ARHGEF35: variants seen among roughly 807,000 people sequenced by gnomAD.
ARHGEF35 encodes the protein Rho guanine nucleotide exchange factor (GEF) 35.
For synonymous variants in ARHGEF35, 47 were observed against 170.4 expected (o/e 0.28, Z 5.64); for missense variants, 114 against 449.7 (o/e 0.25, Z 6.75).
rs550473765 is a variant in ARHGEF35 at position 144,186,340 on chromosome 7, G to C, written c.*589C>G. On this transcript the variant is annotated 3_prime_UTR_variant, in exon 2 of 2. Transcript: ENST00000378115. ...TTTTTTTAAAAAAAGAAAACTGAAA[G>C]GAGATATAGATGAATCCACAATTAT... 20 of 175,842 alleles carry C rather than the reference G, an allele frequency of 1.1e-4. No individual in the cohort carries two copies. Among genetic ancestry groups the C allele is most frequent in the Non-Finnish European group, 2.0e-4 (17 of 83,522 alleles). 10.9% of individuals were successfully genotyped at this position (175,842 alleles called of 1,614,324 possible).
Position 144,186,874 on chromosome 7 carries a change from C to T in ARHGEF35, c.*55G>A. The T allele has an allele frequency of 1.6e-6, 2 of 1,281,834 alleles. No individual in the cohort carries two copies. The highest frequency in any genetic ancestry group is 4.4e-4 in the Middle Eastern group (2 of 4,576). 79.4% of individuals were successfully genotyped at this position (1,281,834 alleles called of 1,614,324 possible). A position where few individuals can be genotyped will look rare whatever the true frequency, so the allele number is the denominator to read the frequency against. On this transcript the variant is annotated 3_prime_UTR_variant, in exon 2 of 2. Transcript: ENST00000378115. ...ACAATAATCTATCAGTCAAAGAAGTCTCAAGGAAAAATTTAAAAATACATT... is the reference window on the plus strand; with the variant it reads ...ACAATAATCTATCAGTCAAAGAAGTTTCAAGGAAAAATTTAAAAATACATT...
chr7:144,192,335 CCTAGCACACTGCAGAGTAGTATGTGA>C (rs1337981511), intron 1 of ARHGEF35, among the ~76,000 whole-genome samples: 1 of 82,540 alleles, frequency 1.2e-5, no homozygotes, highest in African/African-American at 6.0e-5. Context: ...CAGGCAGGTC[CCTAGCACACTGCAGAGTAGTATGTGA>C]CAAGATTCTG....
rs1211687626 is a variant in ARHGEF35, at chr7:144,186,755, G to T, written c.*174C>A. On this transcript the variant is annotated 3_prime_UTR_variant, in exon 2 of 2. Coordinates refer to ENST00000378115, the MANE Select transcript of ARHGEF35 (RefSeq NM_001003702.3). ...GAGATAGTAATCATCCAGAGCAGAT[G>T]AAAACCAGAAATCATTGTAGGGAAT... is the stretch of plus-strand genomic sequence containing the variant. 3.1e-6 allele frequency: 2 copies of T among 655,392 alleles called. No homozygotes were observed. Among genetic ancestry groups the T allele is most frequent in the South Asian group, 2.1e-5 (1 of 48,670 alleles). 40.6% of individuals were successfully genotyped at this position (655,392 alleles called of 1,614,324 possible). A position where few individuals can be genotyped will look rare whatever the true frequency, so the allele number is the denominator to read the frequency against.
At position 144,186,846 on chromosome 7, in the gene ARHGEF35, T is replaced by C. The variant is rs1280598977; in HGVS notation, c.*83A>G. On this transcript the variant is annotated 3_prime_UTR_variant, in exon 2 of 2. Coordinates refer to ENST00000378115, the MANE Select transcript of ARHGEF35 (RefSeq NM_001003702.3). ...AACATTTGGAAATTTAAAAACACAC[T>C]TCACAATAATCTATCAGTCAAAGAA... The C allele has an allele frequency of 1.8e-6, 2 of 1,112,758 alleles. No individual in the cohort carries two copies. Among genetic ancestry groups the C allele is most frequent in the Non-Finnish European group, 2.5e-6 (2 of 801,214 alleles). 68.9% of individuals were successfully genotyped at this position (1,112,758 alleles called of 1,614,324 possible).
chr7:144,191,124 G>A (rs1355796607), intron 1 of ARHGEF35, among the ~76,000 whole-genome samples: 1 of 110,426 alleles, frequency 9.1e-6, no homozygotes, highest in Admixed American at 1.1e-4. Flanking sequence ...CCACAGCTTG[G>A]GCACTGGCGT....
rs1450384688 is a variant in ARHGEF35 at position 144,186,970 on chromosome 7, C to T, written c.1414G>A (p.Glu472Lys). The T allele has an allele frequency of 1.9e-6, 3 of 1,538,460 alleles. No homozygotes were observed. The highest frequency in any genetic ancestry group is 8.9e-7 in the Non-Finnish European group (1 of 1,119,286). ...AGTTTTTCCTTGTCAGGTGACTCCT[C>T]AGTCAAAAAGGAGCCCAGTAGAGAA... ...PISLLGSFLT[E>K]ESPDKEKLLS... Residue 472 changes from glutamate (E) to lysine (K), a missense_variant, in exon 2 of 2, where the codon GAG (glutamate) becomes AAG (lysine). By Grantham distance (56) the Glu-to-Lys change is moderately conservative. Coordinates refer to ENST00000378115, the MANE Select transcript of ARHGEF35 (RefSeq NM_001003702.3).
chr7:144,187,102 G>C lies in ARHGEF35; in HGVS notation c.1282C>G (p.Leu428Val), dbSNP rs1166167480. ...TGAGTCCCGGGAATCTGAGTCACGA[G>C]ATATGAGGCACCTGGAAACAGGTCA... is the stretch of plus-strand genomic sequence containing the variant. Reference protein sequence around the residue: ...HCDLFPGASYLVTQIPGTQTE... With the variant: ...HCDLFPGASYVVTQIPGTQTE... Residue 428 changes from leucine to valine, a missense_variant, in exon 2 of 2, where the codon CTC (leucine) becomes GTC (valine). Transcript: ENST00000378115. The C allele has an allele frequency of 3.3e-6, 5 of 1,534,796 alleles. No homozygotes were observed. Among genetic ancestry groups the C allele is most frequent in the South Asian group, 1.1e-5 (1 of 90,130 alleles).
In ARHGEF35 at chr7:144,187,039, G is replaced by A; in HGVS notation, c.1345C>T (p.Leu449=). Residue 449 remains leucine (L), a synonymous_variant, in exon 2 of 2, where the codon CTG becomes TTG. Transcript: ENST00000378115. Reference sequence around the variant, plus strand: ...CTGATGGGCTCTAGCAAGGGAGACAGAGCTGCGGGGGACAGTTCCTCAGCC... The same window carrying A: ...CTGATGGGCTCTAGCAAGGGAGACAAAGCTGCGGGGGACAGTTCCTCAGCC... ...SRAEELSPAA[L]SPLLEPIRCS... is the part of the protein sequence containing the mutation. 6.5e-7 allele frequency: 1 copy of A among 1,545,198 alleles called. No individual in the cohort carries two copies.
rs1237908495 is a variant in ARHGEF35, at chr7:144,186,953, C to T, written c.1431G>A (p.Lys477=). Residue 477 remains lysine, a synonymous_variant, in exon 2 of 2, where the codon AAG becomes AAA. Coordinates refer to ENST00000378115, the MANE Select transcript of ARHGEF35 (RefSeq NM_001003702.3). ...ATCAAAGTACTGATAGAAGTTTTTC[C>T]TTGTCAGGTGACTCCTCAGTCAAAA... ...GSFLTEESPD[K]EKLLSVL is the part of the protein sequence containing the mutation. The T allele has an allele frequency of 1.3e-6, 2 of 1,523,404 alleles. 1 individual carries two copies. Among genetic ancestry groups the T allele is most frequent in the Non-Finnish European group, 1.8e-6 (2 of 1,110,856 alleles). The allele number at this position is 1,523,404 out of a possible 1,614,324, so 94.4% of individuals were successfully genotyped here.
intron 1 of ARHGEF35, among the ~76,000 whole-genome samples, chr7:144,191,293 G>A (rs2051999979): frequency 8.5e-6 from 1 of 118,286 alleles, no homozygotes; most frequent in African/African-American, 3.2e-5. Context: ...ACCTGGCTCT[G>A]CCTTCTTCTC....
intron 1 of ARHGEF35, among the ~76,000 whole-genome samples, chr7:144,190,796 G>A (rs1375444540): frequency 1.2e-4 from 18 of 150,198 alleles, no homozygotes; most frequent in African/African-American, 4.0e-4. Flanking sequence ...GGTGGCACGT[G>A]CCTGTAGTTC....
At chr7:144,190,823 G>A (rs569538691) in intron 1 of ARHGEF35, among the ~76,000 whole-genome samples, 1 of 149,586 alleles carries the variant, frequency 6.7e-6, no homozygotes, top group Non-Finnish European at 1.5e-5. Flanking sequence ...CTTGGGGGCT[G>A]AGATGGGAGG....
At chr7:144,189,740 G>A (rs892161440) in intron 1 of ARHGEF35, among the ~76,000 whole-genome samples, 8 of 116,116 alleles carry the variant, frequency 6.9e-5, no homozygotes, top group African/African-American at 1.1e-4. Context: ...ATACTCTCTT[G>A]TTACTTGTGG....
Position 144,189,773 on chromosome 7 carries a change from C to G in ARHGEF35, c.-12-1378G>C, listed in dbSNP as rs562394695. Among the ~76,000 whole-genome samples, 5 of 123,578 alleles carry G rather than the reference C, an allele frequency of 4.0e-5. No individual in the cohort carries two copies. The East Asian group carries it at 1.3e-3, about 32-fold the overall frequency. The allele number at this position is 123,578 out of a possible 152,430, so 81.1% of individuals were successfully genotyped here. A position where few individuals can be genotyped will look rare whatever the true frequency, so the allele number is the denominator to read the frequency against. On this transcript the variant is annotated intron_variant, in intron 1 of 1. Coordinates refer to ENST00000378115, the MANE Select transcript of ARHGEF35 (RefSeq NM_001003702.3). ...TGGTATTACATTTTCCTGGTTTTAC[C>G]CCTTCAGTTTCCTCCAGTCTTTTTT...
Position 144,186,133 on chromosome 7 carries a change from A to C in ARHGEF35, c.*796T>G. On this transcript the variant is annotated 3_prime_UTR_variant, in exon 2 of 2. Transcript: ENST00000378115. ...TTATATTCTAGATCATATAACTTTT[A>C]ACTTGGTGAACTAATCCACTCTTAG... The C allele has an allele frequency of 6.8e-6, 1 of 146,948 alleles. No individual in the cohort carries two copies. The highest frequency in any genetic ancestry group is 8.6e-5 in the Admixed American group (1 of 11,686). The allele number at this position is 146,948 out of a possible 1,614,324, so 9.1% of individuals were successfully genotyped here.
In ARHGEF35 at chr7:144,186,671, A is replaced by AG. The variant is rs1321260530; in HGVS notation, c.*257_*258insC. 7 of 332,922 alleles carry AG rather than the reference A, an allele frequency of 2.1e-5. No homozygotes were observed. Among genetic ancestry groups the AG allele is most frequent in the Non-Finnish European group, 1.6e-5 (3 of 186,566 alleles). 20.6% of individuals were successfully genotyped at this position (332,922 alleles called of 1,614,324 possible). ...CACATATTTTTTTTGAGTGCTGACG[A>AG]AACACATGGCAAGATAGAGCTGTCC... On this transcript the variant is annotated 3_prime_UTR_variant, in exon 2 of 2. Transcript: ENST00000378115.
At position 144,192,233 on chromosome 7, in the gene ARHGEF35, AC is replaced by A. The variant is rs1221057894; in HGVS notation, c.-13+3304del. 6.2e-5 allele frequency among the ~76,000 whole-genome samples: 3 copies of A among 48,748 alleles called. No individual in the cohort carries two copies. The Admixed American group carries it at 7.4e-4, about 12-fold the overall frequency. 32.0% of individuals were successfully genotyped at this position (48,748 alleles called of 152,430 possible). On this transcript the variant is annotated intron_variant, in intron 1 of 1. Coordinates refer to ENST00000378115, the MANE Select transcript of ARHGEF35 (RefSeq NM_001003702.3). ...TGTCCTGCTTAGCCACTGTGTGTAC[AC>A]ACACACACACACACACACACACACA...
Position 144,191,094 on chromosome 7 carries a change from G to A in ARHGEF35, c.-12-2699C>T, listed in dbSNP as rs1360932430. 6.0e-4 allele frequency among the ~76,000 whole-genome samples: 67 copies of A among 110,814 alleles called. 12 individuals carry two copies. Among genetic ancestry groups the A allele is most frequent in the Non-Finnish European group, 9.8e-4 (52 of 52,888 alleles). 72.7% of individuals were successfully genotyped at this position (110,814 alleles called of 152,430 possible). On this transcript the variant is annotated intron_variant, in intron 1 of 1. Coordinates refer to ENST00000378115, the MANE Select transcript of ARHGEF35 (RefSeq NM_001003702.3). ...CACTGGTGCATGCTGCTACCGTCTC[G>A]CCCGGGCCACTGCACCCGGCCACAG...
At chr7:144,192,178 T>A (rs2052009449) in intron 1 of ARHGEF35, among the ~76,000 whole-genome samples, 1 of 117,274 alleles carries the variant, frequency 8.5e-6, no homozygotes, top group African/African-American at 3.7e-5. Flanking sequence ...TGGTCCAGGC[T>A]TAAACTGAAA....
Sources: allele counts gnomAD v4.1 joint callset (sites outside exome capture counted in the v4.1 genomes callset), GRCh38; gene constraint gnomAD v4.1.1; transcripts MANE v1.5; gene names NCBI Gene and HGNC (gene_info 2026-07-23, HGNC 2026-07-21).